ELAPOR2: variants seen among roughly 807,000 people sequenced by gnomAD.
The protein encoded by ELAPOR2 is endosome/lysosome-associated apoptosis and autophagy regulator family member 2.
In ELAPOR2, 89 loss-of-function variants were observed where a neutral mutation model predicts 120.7. The observed-to-expected ratio is 0.74, with a 90% CI of 0.62 to 0.88. The LOEUF (loss-of-function observed/expected upper bound fraction) is 0.88. Ranked by LOEUF, ELAPOR2 falls within the 40% of genes least tolerant of loss-of-function variation. The pLI, the probability that ELAPOR2 is intolerant of heterozygous loss-of-function variation, is 0.00. For synonymous variants in ELAPOR2, 444 were observed against 444.9 expected (o/e 1.00, Z 0.03); for missense variants, 1,134 against 1,251.6 (o/e 0.91, Z 1.42).
intron 1 of ELAPOR2, among the ~76,000 whole-genome samples, chr7:87,053,334 A>G (rs1018965623): frequency 1.3e-5 from 2 of 152,192 alleles, no homozygotes; most frequent in Admixed American, 6.5e-5. Flanking sequence ...TGCTAATAAG[A>G]TGATACAATC....
At position 86,901,965 on chromosome 7, in the gene ELAPOR2, A is replaced by C. The variant is rs569489135; in HGVS notation, c.2559-4333T>G. 1.9e-4 allele frequency among the ~76,000 whole-genome samples: 29 copies of C among 152,320 alleles called. No homozygotes were observed. In the South Asian group the frequency reaches 6.0e-3, roughly 32 times the overall value. ...TACAAATTGTTTGTGAATGTGTCTT[A>C]GTCCATTCAGGCTACTATGATAAAA... On this transcript the variant is annotated intron_variant, in intron 18 of 21. Coordinates refer to ENST00000450689, the MANE Select transcript of ELAPOR2 (RefSeq NM_001142749.3).
rs1394372135 is a variant in ELAPOR2 at position 87,059,348 on chromosome 7, G to A, written c.166C>T (p.Arg56Cys). ...WAGDLPSSSS[R>C]PLPPCQEKDY... ...ACCTCCTGGCAAGGAGGAAGCGGGC[G>A]GCTGGAGGAGGAGGGCAGGTCCCCA... Residue 56 changes from arginine to cysteine, a missense_variant, in exon 1 of 22, where the codon CGC becomes TGC. Arg to Cys is a radical substitution (Grantham distance 180, BLOSUM62 -3). This residue lies in a region of ELAPOR2 where 280 missense variants were observed against 331.5 expected (regional missense o/e 0.84). Coordinates refer to ENST00000450689, the MANE Select transcript of ELAPOR2 (RefSeq NM_001142749.3). 1.9e-5 allele frequency: 24 copies of A among 1,247,912 alleles called. No homozygotes were observed. Among genetic ancestry groups the A allele is most frequent in the Non-Finnish European group, 2.3e-5 (23 of 988,688 alleles). 77.3% of individuals were successfully genotyped at this position (1,247,912 alleles called of 1,614,324 possible).
chr7:86,941,662 T>G (rs1280727644), intron 5 of ELAPOR2, among the ~76,000 whole-genome samples: 1 of 152,024 alleles, frequency 6.6e-6, no homozygotes, highest in Admixed American at 6.6e-5. Flanking sequence ...ATTTGTAAAC[T>G]TAGAAACTCA....
At chr7:86,905,924 T>C (rs1444103015) in intron 18 of ELAPOR2, among the ~76,000 whole-genome samples, 9 of 152,202 alleles carry the variant, frequency 5.9e-5, no homozygotes, top group African/African-American at 1.7e-4. Flanking sequence ...ATTCAGTTTC[T>C]ACATGCCATC....
At chr7:86,918,805 T>C (rs376649563) in intron 11 of ELAPOR2, among the ~76,000 whole-genome samples, 2 of 152,192 alleles carry the variant, frequency 1.3e-5, no homozygotes, top group East Asian at 3.9e-4. Flanking sequence ...AGATTCCTAC[T>C]GGGTAATTTC....
chr7:87,034,726 C>A (rs1436110843), intron 1 of ELAPOR2, among the ~76,000 whole-genome samples: 1 of 152,056 alleles, frequency 6.6e-6, no homozygotes. Context: ...GGGTTAAACA[C>A]CAAAGGGCAC....
Position 86,993,114 on chromosome 7 carries a change from C to T in ELAPOR2, c.190-28090G>A, listed in dbSNP as rs897659060. 3.3e-5 allele frequency among the ~76,000 whole-genome samples: 5 copies of T among 151,114 alleles called. No individual in the cohort carries two copies. The East Asian group carries it at 5.8e-4, about 18-fold the overall frequency. On this transcript the variant is annotated intron_variant, in intron 1 of 21. Coordinates refer to ENST00000450689, the MANE Select transcript of ELAPOR2 (RefSeq NM_001142749.3). ...AGCTGGGCGTGGTGGCGCGCACCTG[C>T]GGTTCCAGCTACTCAGGAGGCTGAG... is the stretch of plus-strand genomic sequence containing the variant.
chr7:86,909,866 C>A lies in ELAPOR2; in HGVS notation c.2305G>T (p.Gly769Cys). 8 of 1,613,232 alleles carry A rather than the reference C, an allele frequency of 5.0e-6. No homozygotes were observed. Among genetic ancestry groups the A allele is most frequent in the South Asian group, 1.1e-5 (1 of 90,986 alleles). ...TGTGATGATAAGGCTGCTCGGAAAC[C>A]CTTACTTTCAGAAGGAATAATTGTT... is the stretch of plus-strand genomic sequence containing the variant. ...QSTIIPSESK[G>C]FRAALSSQSI... is the part of the protein sequence containing the mutation. The change falls in exon 16 of 22, where the codon GGT becomes TGT. Residue 769 changes from glycine (G) to cysteine (C), a missense_variant. Gly to Cys is a radical substitution (Grantham distance 159, BLOSUM62 -3). This residue lies in a region of ELAPOR2 where 831 missense variants were observed against 867.6 expected (regional missense o/e 0.96). Transcript: ENST00000450689.
intron 1 of ELAPOR2, among the ~76,000 whole-genome samples, chr7:87,035,580 C>T (rs532995266): frequency 1.3e-5 from 2 of 152,294 alleles, no homozygotes; most frequent in East Asian, 1.9e-4. Flanking sequence ...TCCTAATTCA[C>T]ATCTCAAGCC....
At chr7:86,888,169 CT>C (rs913290353) in intron 21 of ELAPOR2, among the ~76,000 whole-genome samples, 13 of 152,216 alleles carry the variant, frequency 8.5e-5, no homozygotes, top group Middle Eastern at 3.4e-3. Flanking sequence ...CCAAGTCCCC[CT>C]ATCATGGCCC....
rs1799342178 is a variant in ELAPOR2, at chr7:86,880,478, T to C, written c.3083A>G (p.Asn1028Ser). The change falls in exon 22 of 22, where the codon AAT becomes AGT. Residue 1028 changes from asparagine (N) to serine (S), a missense_variant. Physicochemically the swap from Asn to Ser is conservative, Grantham distance 46 (BLOSUM62 1). Around this residue, in one of 3 missense-constraint regions of ELAPOR2, gnomAD observed 831 missense variants for 867.6 expected, o/e 0.96. Transcript: ENST00000450689. ...GGCTACAGCACTGTCTCTTCATATA[T>C]TTGGGGATCTTGAGGTTTTCAGTTG... is the stretch of plus-strand genomic sequence containing the variant. Reference protein sequence around the residue: ...SVQLKTSRSPNI With the variant: ...SVQLKTSRSPSI 2 of 1,608,190 alleles carry C rather than the reference T, an allele frequency of 1.2e-6. No individual in the cohort carries two copies. Among genetic ancestry groups the C allele is most frequent in the African/African-American group, 1.3e-5 (1 of 74,760 alleles).
intron 2 of ELAPOR2, among the ~76,000 whole-genome samples, chr7:86,953,405 G>T (rs905443876): frequency 2.6e-5 from 4 of 152,146 alleles, no homozygotes; most frequent in African/African-American, 9.7e-5. Flanking sequence ...TGTCAACAGA[G>T]TTAGCACTGC....
chr7:87,006,669 C>G (rs1793490887), intron 1 of ELAPOR2, among the ~76,000 whole-genome samples: 1 of 152,110 alleles, frequency 6.6e-6, no homozygotes. Context: ...CAATAAACAC[C>G]TATCCAATGG....
intron 1 of ELAPOR2, among the ~76,000 whole-genome samples, chr7:87,018,088 C>T (rs1230380989): frequency 2.0e-5 from 3 of 151,894 alleles, no homozygotes; most frequent in Non-Finnish European, 4.4e-5. Flanking sequence ...TGGTGCCAGG[C>T]CCAGTACAGT....
intron 2 of ELAPOR2, among the ~76,000 whole-genome samples, chr7:86,960,000 T>C (rs756317705): frequency 1.3e-5 from 2 of 152,252 alleles, no homozygotes; most frequent in Non-Finnish European, 2.9e-5. Flanking sequence ...TTTCCATGTA[T>C]TTATCAACTT....
chr7:86,939,752 T>C (rs1790722888), intron 6 of ELAPOR2, among the ~76,000 whole-genome samples: 1 of 152,132 alleles, frequency 6.6e-6, no homozygotes, highest in Non-Finnish European at 1.5e-5. Flanking sequence ...TTTGTTTTTG[T>C]TTACAGACAT....
chr7:87,000,282 A>C (rs768739929), intron 1 of ELAPOR2, among the ~76,000 whole-genome samples: 1 of 152,162 alleles, frequency 6.6e-6, no homozygotes, highest in Non-Finnish European at 1.5e-5. Flanking sequence ...ATAGCTGGCT[A>C]TTTAGGAAAA....
At chr7:86,883,734 T>C (rs1346698876) in intron 21 of ELAPOR2, among the ~76,000 whole-genome samples, 2 of 152,198 alleles carry the variant, frequency 1.3e-5, no homozygotes, top group Middle Eastern at 3.2e-3. Context: ...TAGTTTCCTT[T>C]GGGAGATGTG....
chr7:86,903,995 T>C (rs1788846232), intron 18 of ELAPOR2, among the ~76,000 whole-genome samples: 3 of 152,094 alleles, frequency 2.0e-5, no homozygotes, highest in African/African-American at 7.2e-5. Flanking sequence ...TCTCTGCCCA[T>C]GAGGAATTGG....
Sources: allele counts gnomAD v4.1 joint callset (sites outside exome capture counted in the v4.1 genomes callset), GRCh38; gene constraint gnomAD v4.1.1; regional missense constraint gnomAD v4.1.1; transcripts MANE v1.5; gene names NCBI Gene and HGNC (gene_info 2026-07-23, HGNC 2026-07-21).